TAB2: variants seen among roughly 807,000 people sequenced by gnomAD.
TAB2 encodes the protein TGF-beta-activated kinase 1 and MAP3K7-binding protein 2.
A neutral mutation model predicts 65.0 loss-of-function variants in TAB2; 3 were observed. The ratio of observed to expected loss-of-function variants is 0.05; its 90% confidence interval spans 0.02 to 0.12. The LOEUF is 0.12. Among genes scored for constraint, TAB2 ranks in the 10% least tolerant of loss-of-function variants. The pLI is 1.00. For missense variants in TAB2, 623 were observed against 840.3 expected, an observed-to-expected ratio of 0.74 and a Z score of 3.20; for synonymous variants, 298 against 285.1, an observed-to-expected ratio of 1.05 and a Z score of -0.46.
At chr6:149,300,593 G>A (rs565721354) in intron 1 of TAB2, among the ~76,000 whole-genome samples, 1 of 152,106 alleles carries the variant, frequency 6.6e-6, no homozygotes, top group African/African-American at 2.4e-5. Context: ...GTTAATCCTT[G>A]AGCATAGCTT....
At chr6:149,259,450 G>A (rs1778108492) in intron 1 of TAB2, among the ~76,000 whole-genome samples, 1 of 151,916 alleles carries the variant, frequency 6.6e-6, no homozygotes, top group Non-Finnish European at 1.5e-5. Flanking sequence ...ATAGATGTTA[G>A]GGGGCTTATA....
upstream of TAB2, among the ~76,000 whole-genome samples, chr6:149,316,457 T>C (rs1052138324): frequency 5.3e-5 from 8 of 152,276 alleles, no homozygotes; most frequent in Non-Finnish European, 1.0e-4. Context: ...ATAAAAATGG[T>C]CCTTTAGGAT....
At chr6:149,336,801 G>T (rs991883317) in intron 1 of TAB2, among the ~76,000 whole-genome samples, 3 of 152,098 alleles carry the variant, frequency 2.0e-5, no homozygotes, top group Non-Finnish European at 4.4e-5. Flanking sequence ...GGCCTGCCCA[G>T]ATTCCTAAGG....
chr6:149,267,647 A>T lies in TAB2; in HGVS notation c.-121+48871A>T, dbSNP rs1226470621. On this transcript the variant is annotated intron_variant, in intron 1 of 1. Transcript: ENST00000606202. ...TAACAACAGGGTTATGCTCCGAGAAATGCGTCGTTAGGTGATTTCATCGTT... is the reference window on the plus strand; with the variant it reads ...TAACAACAGGGTTATGCTCCGAGAATTGCGTCGTTAGGTGATTTCATCGTT... 2.0e-5 allele frequency among the ~76,000 whole-genome samples: 3 copies of T among 152,266 alleles called. No individual in the cohort carries two copies. In the East Asian group the frequency reaches 5.8e-4, roughly 29 times the overall value.
chr6:149,279,907 T>G (rs1778541621), intron 1 of TAB2, among the ~76,000 whole-genome samples: 1 of 152,324 alleles, frequency 6.6e-6, no homozygotes, highest in East Asian at 1.9e-4. Flanking sequence ...TCATCCAAGT[T>G]GTTTCCAGCC....
At chr6:149,406,867 G>A (rs778442505) in intron 6 of TAB2, among the ~76,000 whole-genome samples, 1 of 151,982 alleles carries the variant, frequency 6.6e-6, no homozygotes, top group African/African-American at 2.4e-5. Context: ...ACAGGCATGC[G>A]CCACCACGCC....
intron 1 of TAB2, chr6:149,255,263 G>T (rs1018713472): frequency 2.2e-5 from 3 of 137,058 alleles, no homozygotes; most frequent in Non-Finnish European, 4.8e-5. Flanking sequence ...ATAGCAAGAA[G>T]TCTGCAAGCC....
chr6:149,249,760 C>T (rs185723674), intron 1 of TAB2, among the ~76,000 whole-genome samples: 2 of 152,292 alleles, frequency 1.3e-5, no homozygotes, highest in Non-Finnish European at 2.9e-5. Flanking sequence ...CATTTCTTCC[C>T]TCATTTACTG....
chr6:149,402,940 A>T (rs574123719), intron 6 of TAB2, among the ~76,000 whole-genome samples: 1 of 152,234 alleles, frequency 6.6e-6, no homozygotes, highest in Admixed American at 6.5e-5. Flanking sequence ...TTTATTCATA[A>T]TTAAAACTCT....
intron 1 of TAB2, among the ~76,000 whole-genome samples, chr6:149,242,422 A>AT (rs1338782514): frequency 6.6e-6 from 1 of 152,120 alleles, no homozygotes; most frequent in Non-Finnish European, 1.5e-5. Flanking sequence ...AAATAAACCT[A>AT]TTTTTTTCCT....
intron 3 of TAB2, among the ~76,000 whole-genome samples, chr6:149,382,326 G>A (rs1345704090): frequency 1.3e-5 from 2 of 152,206 alleles, no homozygotes; most frequent in African/African-American, 2.4e-5. Flanking sequence ...GGCTGGGCAC[G>A]GTGGCTCACG....
At chr6:149,322,293 G>A (rs931565031) in intron 1 of TAB2, among the ~76,000 whole-genome samples, 3 of 152,120 alleles carry the variant, frequency 2.0e-5, no homozygotes. Context: ...ACGGAAAAGG[G>A]AGTTAGGGAA....
chr6:149,361,259 A>G (rs1780840027), intron 1 of TAB2, among the ~76,000 whole-genome samples: 1 of 152,094 alleles, frequency 6.6e-6, no homozygotes. Context: ...CTGGCCACCC[A>G]GACTTTCTCA....
intron 6 of TAB2, chr6:149,400,586 A>G (rs547199824): frequency 8.1e-6 from 13 of 1,614,230 alleles, no homozygotes; most frequent in South Asian, 2.2e-5. Flanking sequence ...TTGGTGGGCA[A>G]CCAATCAGTG....
chr6:149,402,185 C>T (rs1160320963), intron 6 of TAB2, among the ~76,000 whole-genome samples: 1 of 150,454 alleles, frequency 6.6e-6, no homozygotes, highest in Admixed American at 6.6e-5. Flanking sequence ...ATTGACAAAC[C>T]CTTAGCTAGA....
At chr6:149,299,721 T>C (rs1778937957) in intron 1 of TAB2, among the ~76,000 whole-genome samples, 1 of 152,088 alleles carries the variant, frequency 6.6e-6, no homozygotes, top group Non-Finnish European at 1.5e-5. Context: ...CTAGATAAAG[T>C]TTTTACTACA....
chr6:149,334,612 G>C (rs73779307), intron 1 of TAB2, among the ~76,000 whole-genome samples: 6,284 of 151,642 alleles, frequency 0.041, 456 homozygotes, highest in African/African-American at 0.15. Flanking sequence ...AGGAGTTCGA[G>C]GCTGCATATC....
chr6:149,391,327 T>C (rs1781976645), intron 3 of TAB2, among the ~76,000 whole-genome samples: 2 of 152,128 alleles, frequency 1.3e-5, no homozygotes, highest in Admixed American at 6.6e-5. Flanking sequence ...TAGGGGTTTT[T>C]TTTAATCATC....
intron 1 of TAB2, chr6:149,304,347 A>G (rs1779020952): frequency 6.5e-6 from 1 of 153,238 alleles, no homozygotes. Flanking sequence ...TTTCATTTTT[A>G]TAGTGATCAC....
Sources: allele counts gnomAD v4.1 joint callset (sites outside exome capture counted in the v4.1 genomes callset), GRCh38; gene constraint gnomAD v4.1.1; transcripts MANE v1.5; gene names NCBI Gene and HGNC (gene_info 2026-07-23, HGNC 2026-07-21).